C18orf32: variants seen among roughly 807,000 people sequenced by gnomAD.
C18orf32 encodes the protein UPF0729 protein C18orf32.
C18orf32 carries 5 observed loss-of-function variants against 7.4 expected under a neutral mutation model. That is an observed-to-expected ratio of 0.68 (90% CI 0.35 to 1.42). C18orf32 has a LOEUF of 1.42. Among genes scored for constraint, C18orf32 ranks in the 40% most tolerant of loss-of-function variants. The pLI, the probability that C18orf32 is intolerant of heterozygous loss-of-function variation, is 0.04. For missense variants in C18orf32, 88 were observed against 92.4 expected, an observed-to-expected ratio of 0.95 and a Z score of 0.19; for synonymous variants, 30 against 29.3, an observed-to-expected ratio of 1.02 and a Z score of -0.08.
chr18:49,483,446 T>A (rs1308044505), intron 2 of C18orf32, 138 bp downstream of exon 2: 1 of 1,168,296 alleles, frequency 8.6e-7, no homozygotes, highest in Non-Finnish European at 1.2e-6. Flanking sequence ...AGGCCTACTT[T>A]AAAACTTTAA....
In C18orf32 at chr18:49,482,035, T is replaced by C. The variant is rs2083667584; in HGVS notation, c.*310A>G. The C allele has an allele frequency of 3.9e-6, 1 of 255,194 alleles. No individual in the cohort carries two copies. Among genetic ancestry groups the C allele is most frequent in the Non-Finnish European group, 7.5e-6 (1 of 133,852 alleles). The allele number at this position is 255,194 out of a possible 1,614,324, so 15.8% of individuals were successfully genotyped here. The stretch of plus-strand genomic sequence containing the variant: ...TTCATATGAATTAGAGAACCAAAGA[T>C]TTTAAAGTGCTGATTTAGTAACATA... On this transcript the variant is annotated 3_prime_UTR_variant, in exon 3 of 3. Coordinates refer to ENST00000318240, the MANE Select transcript of C18orf32 (RefSeq NM_001035005.4).
chr18:49,486,457 CTT>C (rs1453475910), intron 1 of C18orf32: 1 of 152,048 alleles, frequency 6.6e-6, no homozygotes, highest in Non-Finnish European at 1.5e-5. Flanking sequence ...TTTTAAGAGA[CTT>C]TTTAGCTCTC....
In C18orf32 at chr18:49,479,975, G is replaced by A. The variant is rs2083647576; in HGVS notation, c.*2370C>T. On this transcript the variant is annotated 3_prime_UTR_variant, in exon 3 of 3. Transcript: ENST00000318240. ...GATGTGTGGGAGGAGCAGAGGCAGT[G>A]TAAGATAGCGGCATCTCAACCATTA... The A allele has an allele frequency of 6.6e-6, 1 of 152,386 alleles. No individual in the cohort carries two copies. Among genetic ancestry groups the A allele is most frequent in the Non-Finnish European group, 1.5e-5 (1 of 68,142 alleles). The allele number at this position is 152,386 out of a possible 1,614,324, so 9.4% of individuals were successfully genotyped here.
chr18:49,481,222 G>A lies in C18orf32; in HGVS notation c.*1123C>T, dbSNP rs1275912871. 2.0e-5 allele frequency: 3 copies of A among 148,534 alleles called. No individual in the cohort carries two copies. The highest frequency in any genetic ancestry group is 4.4e-5 in the Non-Finnish European group (3 of 67,464). 9.2% of individuals were successfully genotyped at this position (148,534 alleles called of 1,614,324 possible). A position where few individuals can be genotyped will look rare whatever the true frequency, so the allele number is the denominator to read the frequency against. ...CAAATAAAGCCCAAGGTAAATCAGT[G>A]ACTTGACCAGCCACAGAACTTAATA... is the stretch of plus-strand genomic sequence containing the variant. On this transcript the variant is annotated 3_prime_UTR_variant, in exon 3 of 3. Coordinates refer to ENST00000318240, the MANE Select transcript of C18orf32 (RefSeq NM_001035005.4).
At chr18:49,485,611 A>AT (rs544899186) in intron 1 of C18orf32, among the ~76,000 whole-genome samples, 4,852 of 146,220 alleles carry the variant, frequency 0.033, 173 homozygotes, top group African/African-American at 0.093. Context: ...GGCAATAGTG[A>AT]TTTTTTTTTT....
At chr18:49,485,862 T>C (rs1337495966) in intron 1 of C18orf32, 1 of 151,954 alleles carries the variant, frequency 6.6e-6, no homozygotes, top group Admixed American at 6.6e-5. Flanking sequence ...GCTCAAATGA[T>C]CCTCCCGCCT....
rs374303095 is a variant in C18orf32 at position 49,481,953 on chromosome 18, C to T, written c.*392G>A. On this transcript the variant is annotated 3_prime_UTR_variant, in exon 3 of 3. Coordinates refer to ENST00000318240, the MANE Select transcript of C18orf32 (RefSeq NM_001035005.4). ...ACAGTTTCACTGGACTGTTTCACAACAAAATTGTACTCCACTCAAATTAGA... is the reference window on the plus strand; with the variant it reads ...ACAGTTTCACTGGACTGTTTCACAATAAAATTGTACTCCACTCAAATTAGA... 149 of 198,794 alleles carry T rather than the reference C, an allele frequency of 7.5e-4. 3 individuals carry two copies. In the South Asian group the frequency reaches 0.012, roughly 16 times the overall value. The allele number at this position is 198,794 out of a possible 1,614,324, so 12.3% of individuals were successfully genotyped here.
chr18:49,486,735 A>C (rs1014869148), intron 1 of C18orf32: 6 of 151,626 alleles, frequency 4.0e-5, no homozygotes, highest in African/African-American at 1.4e-4. Context: ...TAGGGAAGGC[A>C]TAACAGGGAA....
At chr18:49,486,973 A>C (rs1162598359) in intron 1 of C18orf32, 70 bp downstream of exon 1, 2 of 151,472 alleles carry the variant, frequency 1.3e-5, no homozygotes, top group Non-Finnish European at 3.0e-5. Context: ...GTGGTGGACA[A>C]AGAATACAGA....
At position 49,478,780 on chromosome 18, in the gene C18orf32, ACTGATAAAAG is replaced by A. The variant is rs1171621296; in HGVS notation, c.*3555_*3564del. The A allele has an allele frequency of 6.6e-6, 1 of 150,554 alleles. No individual in the cohort carries two copies. The highest frequency in any genetic ancestry group is 2.5e-5 in the African/African-American group (1 of 39,842). The allele number at this position is 150,554 out of a possible 1,614,324, so 9.3% of individuals were successfully genotyped here. Reference sequence around the variant, plus strand: ...GGCTACCAACTCCAGCCCATGGATAACTGATAAAAGCTTTTAACAATTAGCCTCCAAAATA... The same window carrying A: ...GGCTACCAACTCCAGCCCATGGATAACTTTTAACAATTAGCCTCCAAAATA... On this transcript the variant is annotated 3_prime_UTR_variant, in exon 3 of 3. Transcript: ENST00000318240.
chr18:49,484,098 C>T (rs962482772), intron 1 of C18orf32, among the ~76,000 whole-genome samples: 1 of 146,510 alleles, frequency 6.8e-6, no homozygotes, highest in Non-Finnish European at 1.5e-5. Flanking sequence ...CACTGCTCTC[C>T]AGCCTGGATG....
chr18:49,484,161 T>TACACACACAC (rs1165516971), intron 1 of C18orf32, among the ~76,000 whole-genome samples: 1 of 75,678 alleles, frequency 1.3e-5, no homozygotes, highest in Non-Finnish European at 2.3e-5. Flanking sequence ...TATATATATA[T>TACACACACAC]ATATATACAC....
At chr18:49,483,276 C>G (rs1216624782) in intron 2 of C18orf32, among the ~76,000 whole-genome samples, 3 of 151,860 alleles carry the variant, frequency 2.0e-5, no homozygotes, top group Non-Finnish European at 4.4e-5. Context: ...TTTTTTAAAT[C>G]TCTATGATCC....
chr18:49,484,981 C>G (rs939445595), intron 1 of C18orf32, among the ~76,000 whole-genome samples: 1 of 151,960 alleles, frequency 6.6e-6, no homozygotes, highest in African/African-American at 2.4e-5. Context: ...ACTCGGGAGG[C>G]TGAGGGGGAA....
In C18orf32 at chr18:49,479,352, G is replaced by A. The variant is rs2083642239; in HGVS notation, c.*2993C>T. 1 of 152,272 alleles carries A rather than the reference G, an allele frequency of 6.6e-6. No homozygotes were observed. Among genetic ancestry groups the A allele is most frequent in the Non-Finnish European group, 1.5e-5 (1 of 68,100 alleles). The allele number at this position is 152,272 out of a possible 1,614,324, so 9.4% of individuals were successfully genotyped here. A position where few individuals can be genotyped will look rare whatever the true frequency, so the allele number is the denominator to read the frequency against. On this transcript the variant is annotated 3_prime_UTR_variant, in exon 3 of 3. Coordinates refer to ENST00000318240, the MANE Select transcript of C18orf32 (RefSeq NM_001035005.4). ...GTCCCGAGGACTGCAGTGTGCACCA[G>A]GTCTAGGCAACAACTAGGCAGGAGA...
intron 1 of C18orf32, among the ~76,000 whole-genome samples, chr18:49,484,122 T>C (rs1295629408): frequency 1.8e-5 from 2 of 112,892 alleles, no homozygotes; most frequent in Non-Finnish European, 3.5e-5. Context: ...CAGAGACACT[T>C]TGTCTCAAAA....
intron 1 of C18orf32, among the ~76,000 whole-genome samples, chr18:49,485,462 G>A (rs903138643): frequency 4.6e-5 from 7 of 152,094 alleles, no homozygotes; most frequent in African/African-American, 1.7e-4. Flanking sequence ...GCTGAGGCAG[G>A]AGAATTGCTT....
At chr18:49,485,077 G>A (rs975928279) in intron 1 of C18orf32, among the ~76,000 whole-genome samples, 7 of 151,204 alleles carry the variant, frequency 4.6e-5, no homozygotes, top group Admixed American at 1.3e-4. Context: ...GCAAAACTCC[G>A]TCTCAAAAAA....
At chr18:49,486,006 A>C (rs2083738931) in intron 1 of C18orf32, 1 of 150,872 alleles carries the variant, frequency 6.6e-6, no homozygotes, top group African/African-American at 2.4e-5. Context: ...GCTTGCGCCC[A>C]GGAAAGCCGA....
Sources: allele counts gnomAD v4.1 joint callset (sites outside exome capture counted in the v4.1 genomes callset), GRCh38; gene constraint gnomAD v4.1.1; transcripts MANE v1.5; gene names NCBI Gene and HGNC (gene_info 2026-07-23, HGNC 2026-07-21).